EPHA3: variants seen among roughly 807,000 people sequenced by gnomAD.
EPHA3 encodes the protein EPH receptor A3.
In EPHA3, 42 loss-of-function variants were observed where a neutral mutation model predicts 107.1. The ratio of observed to expected loss-of-function variants is 0.39; its 90% CI spans 0.31 to 0.51. The LOEUF (loss-of-function observed/expected upper bound fraction) is 0.51. EPHA3 is among the 20% of genes least tolerant of loss of function. EPHA3 has a pLI of 0.78. For synonymous variants in EPHA3, 461 were observed against 424.8 expected (o/e 1.09, Z -1.05); for missense variants, 1,183 against 1,211.2 (o/e 0.98, Z 0.35).
intron 3 of EPHA3, among the ~76,000 whole-genome samples, chr3:89,294,366 T>C (rs771579837): frequency 4.6e-5 from 7 of 152,182 alleles, no homozygotes; most frequent in Non-Finnish European, 1.0e-4. Context: ...TCTCCCCCAA[T>C]ACCATTGAGA....
intron 1 of EPHA3, among the ~76,000 whole-genome samples, chr3:89,115,671 A>G (rs1259056386): frequency 6.6e-6 from 1 of 152,172 alleles, no homozygotes; most frequent in Non-Finnish European, 1.5e-5. Flanking sequence ...CCCTTACATT[A>G]TCATTCACGA....
intron 2 of EPHA3, among the ~76,000 whole-genome samples, chr3:89,163,769 G>C (rs1704999577): frequency 6.6e-6 from 1 of 152,092 alleles, no homozygotes; most frequent in Non-Finnish European, 1.5e-5. Context: ...GAACAAATCA[G>C]AATTAATTGC....
intron 13 of EPHA3, among the ~76,000 whole-genome samples, chr3:89,440,506 T>C (rs1016392898): frequency 7.9e-5 from 12 of 152,218 alleles, no homozygotes; most frequent in African/African-American, 2.9e-4. Flanking sequence ...TCCTTCTCTT[T>C]AGAAATCAGA....
chr3:89,278,247 A>T (rs965043769), intron 3 of EPHA3, among the ~76,000 whole-genome samples: 1 of 152,154 alleles, frequency 6.6e-6, no homozygotes, highest in Non-Finnish European at 1.5e-5. Context: ...CAGACAGGGT[A>T]TCATGTTTGC....
At chr3:89,368,441 A>G (rs1448587023) in intron 5 of EPHA3, among the ~76,000 whole-genome samples, 6 of 150,448 alleles carry the variant, frequency 4.0e-5, no homozygotes, top group Non-Finnish European at 6.0e-5. Flanking sequence ...AAGTTCCACA[A>G]TCTGTTGCCT....
intron 2 of EPHA3, among the ~76,000 whole-genome samples, chr3:89,191,227 TC>T (rs1335885597): frequency 1.1e-4 from 16 of 152,142 alleles, no homozygotes; most frequent in Admixed American, 7.9e-4. Flanking sequence ...TAATGCACTC[TC>T]CAGCTTACCA....
chr3:89,251,915 A>G (rs1250606040), intron 3 of EPHA3, among the ~76,000 whole-genome samples: 2 of 152,106 alleles, frequency 1.3e-5, no homozygotes, highest in Non-Finnish European at 2.9e-5. Flanking sequence ...TATGTTTTGT[A>G]TGTTTATTGT....
At chr3:89,347,825 G>C (rs2107434927) in intron 5 of EPHA3, among the ~76,000 whole-genome samples, 1 of 151,118 alleles carries the variant, frequency 6.6e-6, no homozygotes, top group African/African-American at 2.4e-5. Context: ...TTAGCATGAA[G>C]AGTTGTTGAA....
intron 3 of EPHA3, among the ~76,000 whole-genome samples, chr3:89,253,569 T>A (rs973951384): frequency 6.6e-6 from 1 of 152,120 alleles, no homozygotes; most frequent in Non-Finnish European, 1.5e-5. Flanking sequence ...TATCCACAGG[T>A]GGAGGTCAGT....
At chr3:89,211,694 C>T (rs938412496) in intron 3 of EPHA3, among the ~76,000 whole-genome samples, 41 of 149,746 alleles carry the variant, frequency 2.7e-4, no homozygotes, top group African/African-American at 9.6e-4. Context: ...TCTCTCCTCC[C>T]CCTCCCCCTC....
chr3:89,424,352 C>A (rs747595255), intron 11 of EPHA3, among the ~76,000 whole-genome samples: 1 of 151,298 alleles, frequency 6.6e-6, no homozygotes, highest in Non-Finnish European at 1.5e-5. Flanking sequence ...GCACATCATA[C>A]ATAGAAAATA....
chr3:89,376,549 G>T (rs1175750631), intron 5 of EPHA3, among the ~76,000 whole-genome samples: 1 of 151,576 alleles, frequency 6.6e-6, no homozygotes, highest in African/African-American at 2.4e-5. Flanking sequence ...GATTCATATG[G>T]TTTAAATAAT....
chr3:89,394,234 A>C (rs1708804381), intron 5 of EPHA3, among the ~76,000 whole-genome samples: 1 of 152,118 alleles, frequency 6.6e-6, no homozygotes, highest in African/African-American at 2.4e-5. Flanking sequence ...AACATGACAA[A>C]ACTTTGTCTC....
chr3:89,439,818 T>C (rs567809037), intron 13 of EPHA3, among the ~76,000 whole-genome samples: 18 of 152,064 alleles, frequency 1.2e-4, no homozygotes, highest in Non-Finnish European at 2.1e-4. Flanking sequence ...TTGTAGAAGA[T>C]AGATATCATA....
intron 16 of EPHA3, among the ~76,000 whole-genome samples, chr3:89,473,785 G>A (rs2107576464): frequency 6.6e-6 from 1 of 152,212 alleles, no homozygotes; most frequent in South Asian, 2.1e-4. Flanking sequence ...AGTAGAATGA[G>A]GTAGTATGAA....
intron 3 of EPHA3, among the ~76,000 whole-genome samples, chr3:89,218,281 C>A (rs1576239592): frequency 9.6e-6 from 1 of 104,042 alleles, no homozygotes; most frequent in African/African-American, 3.7e-5. Context: ...CTAATGCTAT[C>A]CCTCCCCCCT....
chr3:89,475,554 C>T (rs1398541700), intron 16 of EPHA3, among the ~76,000 whole-genome samples: 1 of 152,008 alleles, frequency 6.6e-6, no homozygotes, highest in African/African-American at 2.4e-5. Context: ...TTAATAAATA[C>T]ATATTTCAAG....
At chr3:89,390,600 CAAAAA>C (rs34753229) in intron 5 of EPHA3, among the ~76,000 whole-genome samples, 10 of 114,162 alleles carry the variant, frequency 8.8e-5, no homozygotes, top group African/African-American at 3.1e-4. Context: ...ACTCCGTTTC[CAAAAA>C]AAAAAAAAAA....
intron 10 of EPHA3, among the ~76,000 whole-genome samples, chr3:89,416,081 A>C (rs1459875929): frequency 1.3e-5 from 2 of 151,380 alleles, no homozygotes; most frequent in African/African-American, 4.8e-5. Flanking sequence ...CAGTAGAAGG[A>C]GGGTAGGCTT....
Sources: allele counts gnomAD v4.1 joint callset (sites outside exome capture counted in the v4.1 genomes callset), GRCh38; gene constraint gnomAD v4.1.1; transcripts MANE v1.5; gene names NCBI Gene and HGNC (gene_info 2026-07-23, HGNC 2026-07-21).